IL1R1: variants seen among roughly 807,000 people sequenced by gnomAD.
The protein encoded by IL1R1 is interleukin-1 receptor type 1.
A neutral mutation model predicts 50.2 loss-of-function variants in IL1R1; 22 were observed. That is an observed-to-expected ratio of 0.44 (90% CI 0.31 to 0.63). IL1R1 has a LOEUF of 0.63. Among genes scored for constraint, IL1R1 ranks in the 20% least tolerant of loss-of-function variants. The probability of loss-of-function intolerance (pLI) is 0.07; values close to 1 mark genes in which losing one functional copy is unlikely to be tolerated. For synonymous variants in IL1R1, 251 were observed against 236.7 expected (o/e 1.06, Z -0.55); for missense variants, 509 against 676.2 (o/e 0.75, Z 2.74).
intron 1 of IL1R1, among the ~76,000 whole-genome samples, chr2:102,135,397 C>T (rs1315843877): frequency 6.6e-6 from 1 of 152,198 alleles, no homozygotes; most frequent in Non-Finnish European, 1.5e-5. Flanking sequence ...AAAGTACATG[C>T]ATTCCTATCT....
intron 3 of IL1R1, among the ~76,000 whole-genome samples, chr2:102,162,869 G>A (rs947341980): frequency 4.6e-5 from 7 of 152,006 alleles, no homozygotes; most frequent in South Asian, 2.1e-4. Context: ...ATTCTTTTGC[G>A]TAGATTCATT....
intron 1 of IL1R1, among the ~76,000 whole-genome samples, chr2:102,113,194 G>T (rs547764951): frequency 6.6e-6 from 1 of 152,332 alleles, no homozygotes; most frequent in Non-Finnish European, 1.5e-5. Flanking sequence ...TTTCAGTAAG[G>T]ATTTTAGTAA....
chr2:102,125,244 C>T (rs534570968), intron 1 of IL1R1, among the ~76,000 whole-genome samples: 2 of 152,154 alleles, frequency 1.3e-5, no homozygotes, highest in African/African-American at 4.8e-5. Context: ...CACATGCTTG[C>T]AACTCCCTTC....
chr2:102,088,918 A>T (rs1679542550), intron 1 of IL1R1, among the ~76,000 whole-genome samples: 1 of 152,000 alleles, frequency 6.6e-6, no homozygotes, highest in East Asian at 1.9e-4. Flanking sequence ...CAGGTTTCTC[A>T]CCTCTCTCAG....
chr2:102,127,565 A>G (rs1681784676), intron 1 of IL1R1, among the ~76,000 whole-genome samples: 1 of 152,090 alleles, frequency 6.6e-6, no homozygotes, highest in Admixed American at 6.6e-5. Context: ...ATTAACAAGA[A>G]CAAGAAGTAA....
chr2:102,138,677 G>A (rs532177367), upstream of IL1R1, among the ~76,000 whole-genome samples: 1 of 152,158 alleles, frequency 6.6e-6, no homozygotes, highest in South Asian at 2.1e-4. Flanking sequence ...TAAGAAAATA[G>A]TTACTTGAAA....
chr2:102,118,253 G>A (rs1055413003), intron 1 of IL1R1, among the ~76,000 whole-genome samples: 1 of 152,148 alleles, frequency 6.6e-6, no homozygotes, highest in Non-Finnish European at 1.5e-5. Flanking sequence ...GAACTCTGGG[G>A]TTTGGGGAGC....
upstream of IL1R1, among the ~76,000 whole-genome samples, chr2:102,140,506 T>C (rs1199742624): frequency 6.6e-6 from 1 of 152,220 alleles, no homozygotes; most frequent in Non-Finnish European, 1.5e-5. Context: ...ATGCTATTTC[T>C]GTTTCTTGTA....
At chr2:102,146,176 G>GTT (rs1683103076) in intron 1 of IL1R1, among the ~76,000 whole-genome samples, 1 of 152,128 alleles carries the variant, frequency 6.6e-6, no homozygotes, top group African/African-American at 2.4e-5. Flanking sequence ...CGTCCCAAAT[G>GTT]TGAGAACTCA....
chr2:102,161,683 T>A (rs570124011), intron 3 of IL1R1, among the ~76,000 whole-genome samples: 114 of 152,256 alleles, frequency 7.5e-4, no homozygotes, highest in Non-Finnish European at 1.2e-3. Flanking sequence ...TTTATTTTTT[T>A]AAAATTTATT....
chr2:102,176,183 T>C (rs1686116079), intron 11 of IL1R1, 170 bp from the exon 12 acceptor site: 1 of 605,946 alleles, frequency 1.7e-6, no homozygotes, highest in African/African-American at 1.9e-5. Context: ...CAAGAGACTG[T>C]CTCTTAAAAT....
chr2:102,145,467 G>A (rs189947845), intron 1 of IL1R1, among the ~76,000 whole-genome samples: 145 of 152,268 alleles, frequency 9.5e-4, no homozygotes, highest in Non-Finnish European at 1.7e-3. Context: ...GGTCCCAGTC[G>A]CCTGCATGTT....
chr2:102,173,093 TATGTC>T (rs1685830305), intron 9 of IL1R1, among the ~76,000 whole-genome samples: 6 of 152,198 alleles, frequency 3.9e-5, no homozygotes, highest in African/African-American at 1.4e-4. Context: ...TGTAGCACCA[TATGTC>T]ACAGGATCTA....
chr2:102,085,406 CTCAAGGT>C (rs1679390690), intron 1 of IL1R1, among the ~76,000 whole-genome samples: 2 of 152,268 alleles, frequency 1.3e-5, no homozygotes, highest in Admixed American at 1.3e-4. Flanking sequence ...TAAGCAGTGG[CTCAAGGT>C]TCAATTTTCA....
At chr2:102,093,098 T>A (rs995916336) in intron 1 of IL1R1, among the ~76,000 whole-genome samples, 3 of 152,186 alleles carry the variant, frequency 2.0e-5, no homozygotes, top group Non-Finnish European at 4.4e-5. Context: ...AAATAATAGT[T>A]GCCTTAGTGG....
intron 1 of IL1R1, among the ~76,000 whole-genome samples, chr2:102,117,996 A>G (rs974625040): frequency 2.6e-5 from 4 of 151,144 alleles, no homozygotes; most frequent in African/African-American, 9.7e-5. Context: ...ATATATAGAC[A>G]AAATAAAAAT....
At chr2:102,091,749 A>G (rs1229256312) in intron 1 of IL1R1, among the ~76,000 whole-genome samples, 1 of 152,126 alleles carries the variant, frequency 6.6e-6, no homozygotes, top group Non-Finnish European at 1.5e-5. Flanking sequence ...GTTTTTACCC[A>G]TTGACCAAGC....
intron 1 of IL1R1, among the ~76,000 whole-genome samples, chr2:102,121,453 T>C (rs1681401816): frequency 6.6e-6 from 1 of 152,184 alleles, no homozygotes; most frequent in Non-Finnish European, 1.5e-5. Flanking sequence ...ACCAGCCCGG[T>C]GACTCAGTTT....
chr2:102,098,152 A>AG (rs1559460376), intron 1 of IL1R1, among the ~76,000 whole-genome samples: 1 of 152,082 alleles, frequency 6.6e-6, no homozygotes, highest in Admixed American at 6.5e-5. Context: ...ATATAGAGTA[A>AG]GGGAAAAACT....
Sources: gnomAD v4.1 joint callset for allele counts (sites outside exome capture counted in the v4.1 genomes callset) on GRCh38, gnomAD v4.1.1 for gene constraint, MANE v1.5 for transcripts, NCBI Gene and HGNC (gene_info 2026-07-23, HGNC 2026-07-21) for gene names.